Variants in TUT7 observed in about 807,000 individuals in gnomAD.
The protein encoded by TUT7 is terminal uridylyltransferase 7.
Under a neutral mutation model 165.9 loss-of-function variants are expected in TUT7, and 33 were observed. That is an observed-to-expected ratio of 0.20 (90% confidence interval 0.15 to 0.27). The LOEUF (loss-of-function observed/expected upper bound fraction) is 0.27, where lower values mean the gene tolerates loss of function less well. Among genes scored for constraint, TUT7 ranks in the 10% least tolerant of loss-of-function variants. The pLI is 1.00. For synonymous variants in TUT7, 552 were observed against 608.1 expected, an observed-to-expected ratio of 0.91 and a Z score of 1.36; for missense variants, 1,338 against 1,762.3, an observed-to-expected ratio of 0.76 and a Z score of 4.31.
chr9:86,295,016 C>T (rs1462027918), intron 26 of TUT7, among the ~76,000 whole-genome samples: 2 of 151,840 alleles, frequency 1.3e-5, no homozygotes, highest in Non-Finnish European at 2.9e-5. Flanking sequence ...GAAAATAGGG[C>T]CTAGCTTGTT....
At chr9:86,327,413 T>A (rs557691101) in intron 11 of TUT7, among the ~76,000 whole-genome samples, 1 of 152,294 alleles carries the variant, frequency 6.6e-6, no homozygotes, top group East Asian at 1.9e-4. Flanking sequence ...AGTGACCCTA[T>A]GAGAGGGTAC....
chr9:86,339,236 A>G (rs1279766564), intron 8 of TUT7, among the ~76,000 whole-genome samples: 1 of 152,164 alleles, frequency 6.6e-6, no homozygotes, highest in Non-Finnish European at 1.5e-5. Flanking sequence ...AATATTATCA[A>G]ATGTTTCGGG....
chr9:86,329,392 G>A (rs1007543653), intron 10 of TUT7, among the ~76,000 whole-genome samples: 4 of 151,836 alleles, frequency 2.6e-5, no homozygotes, highest in Admixed American at 1.3e-4. Flanking sequence ...GCATGGTGGC[G>A]CATGCCTGTA....
intron 8 of TUT7, 150 bp downstream of exon 8, chr9:86,339,886 C>T: frequency 1.3e-5 from 7 of 530,088 alleles, no homozygotes; most frequent in East Asian, 3.0e-5. Context: ...CATCAAATGC[C>T]AAAAGTATAG....
chr9:86,347,247 C>T (rs1261863670), intron 2 of TUT7, among the ~76,000 whole-genome samples: 4 of 152,178 alleles, frequency 2.6e-5, no homozygotes, highest in African/African-American at 4.8e-5. Context: ...TGTTTATAAA[C>T]TCTGCTATTA....
intron 5 of TUT7, among the ~76,000 whole-genome samples, chr9:86,344,130 G>T (rs1831553301): frequency 6.6e-6 from 1 of 152,130 alleles, no homozygotes; most frequent in Non-Finnish European, 1.5e-5. Flanking sequence ...ACAGTTTTAA[G>T]ATTTATAAGG....
intron 2 of TUT7, 61 bp from the exon 3 acceptor site, chr9:86,346,541 C>T: frequency 1.3e-6 from 2 of 1,496,168 alleles, no homozygotes; most frequent in African/African-American, 1.4e-5. Flanking sequence ...GAGTAAAAAG[C>T]AGACCTTACA....
At chr9:86,302,042 C>T (rs754552279) in intron 25 of TUT7, among the ~76,000 whole-genome samples, 1 of 152,112 alleles carries the variant, frequency 6.6e-6, no homozygotes, top group African/African-American at 2.4e-5. Flanking sequence ...CTTAAAATGT[C>T]AAAATCATTT....
intron 10 of TUT7, among the ~76,000 whole-genome samples, chr9:86,334,589 A>T (rs1183742928): frequency 1.3e-5 from 2 of 152,166 alleles, no homozygotes; most frequent in Non-Finnish European, 2.9e-5. Flanking sequence ...TGTCTGATGG[A>T]TCCAAAAAGA....
chr9:86,340,014 A>G (rs115261177), intron 8 of TUT7, 22 bp downstream of exon 8: 1 of 1,601,304 alleles, frequency 6.2e-7, no homozygotes, highest in Non-Finnish European at 8.6e-7. Flanking sequence ...GTTAGTAAAT[A>G]AACAGTTTAA....
chr9:86,340,004 G>A, intron 8 of TUT7, 32 bp downstream of exon 8: 1 of 1,567,776 alleles, frequency 6.4e-7, no homozygotes, highest in Non-Finnish European at 8.8e-7. Context: ...CAAGTTGAGA[G>A]TTAGTAAATA....
intron 10 of TUT7, among the ~76,000 whole-genome samples, 162 bp from the exon 11 acceptor site, chr9:86,328,654 A>G (rs1014547562): frequency 1.3e-5 from 2 of 152,242 alleles, no homozygotes; most frequent in East Asian, 1.9e-4. Context: ...AAATATTTTT[A>G]AAAGTAAAAA....
rs545164437 is a variant in TUT7, at chr9:86,293,888, G to A, written c.4421-5144C>T. On this transcript the variant is annotated intron_variant, in intron 26 of 26. Coordinates refer to ENST00000375963, the MANE Select transcript of TUT7 (RefSeq NM_024617.4). ...AGCCTCCTGAGCAGCTGGGATTATA[G>A]GCGCACACCAGTACACCTGACTAAA... Among the ~76,000 whole-genome samples the A allele has an allele frequency of 5.0e-3, 761 of 152,186 alleles. 5 individuals are homozygous for A. Among genetic ancestry groups the A allele is most frequent in the African/African-American group, 0.017 (725 of 41,510 alleles).
chr9:86,310,042 A>G lies in TUT7; in HGVS notation c.3379-25T>C, dbSNP rs774641908. ...CCTGTTAAAAGGAAAATAACACTAT[A>G]AGACTAACAATGAAGTGTAAAGGGT... On this transcript the variant is annotated intron_variant, in intron 18 of 26. Transcript: ENST00000375963. 2.7e-5 allele frequency: 43 copies of G among 1,585,026 alleles called. No homozygotes were observed. In the South Asian group the frequency reaches 3.0e-4, roughly 11 times the overall value.
At chr9:86,320,901 G>A (rs1408737306) in intron 14 of TUT7, among the ~76,000 whole-genome samples, 1 of 152,048 alleles carries the variant, frequency 6.6e-6, no homozygotes, top group Non-Finnish European at 1.5e-5. Context: ...CTTATAACAG[G>A]CCATGCATTT....
intron 11 of TUT7, 26 bp from the exon 12 acceptor site, chr9:86,325,540 A>G: frequency 6.3e-7 from 1 of 1,580,640 alleles, no homozygotes; most frequent in Non-Finnish European, 8.6e-7. Context: ...AGAAACATAC[A>G]GGTTATTTCA....
At chr9:86,320,124 C>T (rs1829105815) in intron 14 of TUT7, among the ~76,000 whole-genome samples, 1 of 152,030 alleles carries the variant, frequency 6.6e-6, no homozygotes, top group South Asian at 2.1e-4. Flanking sequence ...ACCAGGGTTA[C>T]AGAAAGGGCC....
At chr9:86,294,092 T>G (rs1459414305) in intron 26 of TUT7, among the ~76,000 whole-genome samples, 2 of 152,146 alleles carry the variant, frequency 1.3e-5, no homozygotes, top group East Asian at 3.9e-4. Flanking sequence ...TCAACTTCCA[T>G]GTGTACTCTT....
chr9:86,304,844 C>A lies in TUT7; in HGVS notation c.3978+12G>T. 6.3e-7 allele frequency: 1 copy of A among 1,574,806 alleles called. No homozygotes were observed. The highest frequency in any genetic ancestry group is 1.1e-5 in the South Asian group (1 of 87,218). On this transcript the variant is annotated intron_variant, in intron 24 of 26. Coordinates refer to ENST00000375963, the MANE Select transcript of TUT7 (RefSeq NM_024617.4). ...TTTATTTTTTATTTTTTGGTATTTC[C>A]AACACACTTACCATTTTTGAGGGGT... is the stretch of plus-strand genomic sequence containing the variant.
Sources: allele counts gnomAD v4.1 joint callset (sites outside exome capture counted in the v4.1 genomes callset), GRCh38; gene constraint gnomAD v4.1.1; transcripts MANE v1.5; gene names NCBI Gene and HGNC (gene_info 2026-07-23, HGNC 2026-07-21).